The following TNRC6B variants were observed in gnomAD, a reference collection of about 807,000 sequenced individuals.
TNRC6B encodes trinucleotide repeat-containing gene 6B protein.
Under a neutral mutation model 203.6 loss-of-function variants are expected in TNRC6B, and 52 were observed. That is an observed-to-expected ratio of 0.26 (90% confidence interval 0.20 to 0.32). The LOEUF is 0.32. TNRC6B is among the 10% of genes least tolerant of loss of function. TNRC6B has a pLI of 1.00. For synonymous variants in TNRC6B, 838 were observed against 845.7 expected, an observed-to-expected ratio of 0.99 and a Z score of 0.16; for missense variants, 1,923 against 2,286.2, an observed-to-expected ratio of 0.84 and a Z score of 3.24.
intron 1 of TNRC6B, among the ~76,000 whole-genome samples, chr22:40,197,288 G>GT (rs78107586): frequency 0.14 from 20,841 of 150,832 alleles, 1,532 homozygotes; most frequent in South Asian, 0.16. Context: ...TGTTTTTCTT[G>GT]TTTTTTTTTG....
At chr22:40,103,951 C>CT (rs972592051) in intron 1 of TNRC6B, among the ~76,000 whole-genome samples, 4 of 148,484 alleles carry the variant, frequency 2.7e-5, no homozygotes, top group African/African-American at 9.8e-5. Flanking sequence ...CCAAGTCTAT[C>CT]TTTTAAAAGA....
At chr22:40,283,542 T>C (rs1020232100) in intron 11 of TNRC6B, among the ~76,000 whole-genome samples, 8 of 152,340 alleles carry the variant, frequency 5.3e-5, no homozygotes, top group Middle Eastern at 3.4e-3. Flanking sequence ...TACATCACTG[T>C]GCAAAAATAG....
intron 5 of TNRC6B, among the ~76,000 whole-genome samples, chr22:40,268,660 C>T (rs2146504480): frequency 6.6e-6 from 1 of 152,018 alleles, no homozygotes; most frequent in South Asian, 2.1e-4. Flanking sequence ...GCCTGTAATC[C>T]CAGCACTTTG....
In TNRC6B at chr22:40,247,003, G is replaced by A. The variant is rs115351125; in HGVS notation, c.93+901G>A. On this transcript the variant is annotated intron_variant, in intron 2 of 22. Transcript: ENST00000454349. ...CAGGTCTCAGGTGAGCGGTTTGTCC[G>A]GCAGAGTTGTCCAAGGCAGAGTGGT... Among the ~76,000 whole-genome samples, 703 of 152,234 alleles carry A rather than the reference G, an allele frequency of 4.6e-3. 5 individuals carry two copies. Among genetic ancestry groups the A allele is most frequent in the African/African-American group, 0.015 (631 of 41,528 alleles).
At chr22:40,248,456 G>A (rs1184274715) in intron 2 of TNRC6B, among the ~76,000 whole-genome samples, 1 of 152,214 alleles carries the variant, frequency 6.6e-6, no homozygotes, top group Non-Finnish European at 1.5e-5. Context: ...GAGTGATTTA[G>A]AGAGTATATA....
intron 1 of TNRC6B, among the ~76,000 whole-genome samples, chr22:40,190,169 T>G (rs1220135764): frequency 1.3e-5 from 2 of 152,208 alleles, no homozygotes; most frequent in Non-Finnish European, 2.9e-5. Context: ...TCCTTCATTC[T>G]TATTTATTGA....
chr22:40,227,608 C>T (rs1190129863), intron 1 of TNRC6B, among the ~76,000 whole-genome samples: 1 of 152,076 alleles, frequency 6.6e-6, no homozygotes, highest in Admixed American at 6.5e-5. Flanking sequence ...AGCTCGGCCT[C>T]CCAAAGTGTT....
At chr22:40,313,956 T>G (rs916754630) in intron 19 of TNRC6B, among the ~76,000 whole-genome samples, 11 of 152,242 alleles carry the variant, frequency 7.2e-5, no homozygotes, top group African/African-American at 2.7e-4. Flanking sequence ...TGAGCAAGTA[T>G]GTAAAGGAGA....
At chr22:40,065,958 G>A (rs974501012) in intron 1 of TNRC6B, among the ~76,000 whole-genome samples, 1 of 152,096 alleles carries the variant, frequency 6.6e-6, no homozygotes, top group African/African-American at 2.4e-5. Flanking sequence ...TCACATAAAC[G>A]TGCTGTTTTT....
At chr22:40,255,955 C>T (rs1014213152) in intron 3 of TNRC6B, among the ~76,000 whole-genome samples, 5 of 152,148 alleles carry the variant, frequency 3.3e-5, no homozygotes, top group African/African-American at 9.7e-5. Context: ...CAGGTTCAAG[C>T]GATTCTCCTG....
intron 2 of TNRC6B, among the ~76,000 whole-genome samples, chr22:40,119,591 A>G (rs2068424691): frequency 6.6e-6 from 1 of 152,210 alleles, no homozygotes; most frequent in South Asian, 2.1e-4. Context: ...CTCTAAATAC[A>G]TACATAGATA....
At chr22:40,147,839 G>T (rs1444290301) in intron 3 of TNRC6B, among the ~76,000 whole-genome samples, 2 of 152,170 alleles carry the variant, frequency 1.3e-5, no homozygotes, top group African/African-American at 2.4e-5. Flanking sequence ...GAGATAGAAG[G>T]TAGATTCGTG....
At chr22:40,273,974 G>A (rs896431727) in intron 7 of TNRC6B, among the ~76,000 whole-genome samples, 1 of 152,138 alleles carries the variant, frequency 6.6e-6, no homozygotes. Flanking sequence ...AATGAAAGGT[G>A]TGAGGCAACT....
At position 40,324,885 on chromosome 22, in the gene TNRC6B, A is replaced by G. The variant is rs2071384149; in HGVS notation, c.*1644A>G. ...TACTTTTTTTTTTTTTTAAGCATCA[A>G]TGTAGTAGTACTCTGGGCCGAACAG... On this transcript the variant is annotated 3_prime_UTR_variant, in exon 23 of 23. Coordinates refer to ENST00000454349, the MANE Select transcript of TNRC6B (RefSeq NM_001162501.2). 1.3e-5 allele frequency: 2 copies of G among 150,994 alleles called. No homozygotes were observed. Among genetic ancestry groups the G allele is most frequent in the Non-Finnish European group, 2.9e-5 (2 of 67,846 alleles). The allele number at this position is 150,994 out of a possible 1,614,324, so 9.4% of individuals were successfully genotyped here.
intron 1 of TNRC6B, among the ~76,000 whole-genome samples, chr22:40,242,174 A>G (rs1016090579): frequency 2.7e-5 from 3 of 111,812 alleles, no homozygotes; most frequent in African/African-American, 8.6e-5. Context: ...AGCTAAGGGA[A>G]TAAGAGTGTG....
At chr22:40,282,709 AG>A (rs1285783117) in intron 11 of TNRC6B, among the ~76,000 whole-genome samples, 1 of 152,176 alleles carries the variant, frequency 6.6e-6, no homozygotes, top group African/African-American at 2.4e-5. Flanking sequence ...ATTGTTAACC[AG>A]GTTTGTGGAC....
chr22:40,246,191 CTT>C, intron 2 of TNRC6B, 89 bp downstream of exon 2: 1 of 1,079,760 alleles, frequency 9.3e-7, no homozygotes, highest in Non-Finnish European at 1.3e-6. Context: ...TATCCGATAT[CTT>C]TTATTTTTTT....
chr22:40,155,198 G>A (rs1343870757), intron 3 of TNRC6B, among the ~76,000 whole-genome samples: 5 of 151,906 alleles, frequency 3.3e-5, no homozygotes, highest in Admixed American at 1.3e-4. Context: ...ATGTGCAAAA[G>A]CTTCTCTAGG....
rs747395190 is a variant in TNRC6B at position 40,326,802 on chromosome 22, C to CT, written c.*3562dup. 2 of 152,568 alleles carry CT rather than the reference C, an allele frequency of 1.3e-5. No individual in the cohort carries two copies. Among genetic ancestry groups the CT allele is most frequent in the Non-Finnish European group, 2.9e-5 (2 of 68,038 alleles). 9.5% of individuals were successfully genotyped at this position (152,568 alleles called of 1,614,324 possible). On this transcript the variant is annotated 3_prime_UTR_variant, in exon 23 of 23. Transcript: ENST00000454349. ...ATAGGCATTACTAGAGGAAAATTATCTATGGACTGTCCTATTAATGAAGAA... is the reference window on the plus strand; with the variant it reads ...ATAGGCATTACTAGAGGAAAATTATCTTATGGACTGTCCTATTAATGAAGAA...
Sources: allele counts gnomAD v4.1 joint callset (sites outside exome capture counted in the v4.1 genomes callset), GRCh38; gene constraint gnomAD v4.1.1; transcripts MANE v1.5; gene names NCBI Gene and HGNC (gene_info 2026-07-23, HGNC 2026-07-21).